Variants in GLIS3 observed in about 807,000 individuals in gnomAD.
GLIS3 encodes the protein zinc finger protein GLIS3.
GLIS3 carries 53 observed loss-of-function variants against 78.6 expected under a neutral mutation model. The observed-to-expected ratio is 0.67, with a 90% CI of 0.54 to 0.85. The LOEUF is 0.85. Ranked by LOEUF, GLIS3 falls within the 40% of genes least tolerant of loss-of-function variation. GLIS3 has a pLI of 0.00. For missense variants in GLIS3, 1,703 were observed against 1,231.1 expected (o/e 1.38, Z -5.74); for synonymous variants, 684 against 509.9 (o/e 1.34, Z -4.60).
intron 4 of GLIS3, among the ~76,000 whole-genome samples, chr9:4,028,278 A>C (rs1191731465): frequency 1.3e-5 from 2 of 152,302 alleles, no homozygotes; most frequent in East Asian, 3.9e-4. Flanking sequence ...ACTGCTGTGA[A>C]GATCAAATGA....
intron 4 of GLIS3, among the ~76,000 whole-genome samples, chr9:3,948,838 T>C (rs1816478491): frequency 6.6e-6 from 1 of 152,236 alleles, no homozygotes; most frequent in African/African-American, 2.4e-5. Flanking sequence ...TTTGTCATCT[T>C]ACAGAGCCAA....
At chr9:4,374,391 A>G in the GLIS3 span, among the ~76,000 whole-genome samples, 3 of 152,222 alleles carry the variant, frequency 2.0e-5, no homozygotes, top group Admixed American at 6.5e-5. Flanking sequence ...TGCTATCTTG[A>G]AACTTCCACC....
At position 3,932,487 on chromosome 9, in the gene GLIS3, G is replaced by C; in HGVS notation, c.1873-17C>G. The C allele has an allele frequency of 1.3e-6, 2 of 1,549,658 alleles. No homozygotes were observed. Among genetic ancestry groups the C allele is most frequent in the Non-Finnish European group, 1.8e-6 (2 of 1,121,222 alleles). ...ATAAGGTTTCTAAATGAGAAAGAAA[G>C]AAAGAAACAGCTGTGGTTAAATCAT... On this transcript the variant is annotated splice_polypyrimidine_tract_variant and intron_variant, in intron 5 of 10. Transcript: ENST00000381971.
the GLIS3 span, among the ~76,000 whole-genome samples, chr9:4,434,991 A>G: frequency 1.3e-5 from 2 of 152,208 alleles, no homozygotes; most frequent in Non-Finnish European, 2.9e-5. Flanking sequence ...CAGGTACCAA[A>G]TTGTATGATT....
intron 7 of GLIS3, among the ~76,000 whole-genome samples, chr9:3,890,733 A>G (rs946370207): frequency 2.7e-5 from 4 of 150,918 alleles, no homozygotes; most frequent in African/African-American, 9.9e-5. Flanking sequence ...CTGTCTCTAA[A>G]AAACAAAACA....
At chr9:4,123,060 T>C (rs1832305571) in intron 3 of GLIS3, among the ~76,000 whole-genome samples, 1 of 152,020 alleles carries the variant, frequency 6.6e-6, no homozygotes, top group Non-Finnish European at 1.5e-5. Context: ...AAAAAGAGCT[T>C]TTCCCCAAGA....
At chr9:4,387,898 G>T in the GLIS3 span, among the ~76,000 whole-genome samples, 2 of 152,182 alleles carry the variant, frequency 1.3e-5, no homozygotes, top group African/African-American at 4.8e-5. Context: ...TTTCATGAGG[G>T]ATACATTTCT....
At chr9:4,324,780 T>G (rs1817578569) in intron 2 of GLIS3, among the ~76,000 whole-genome samples, 1 of 152,218 alleles carries the variant, frequency 6.6e-6, no homozygotes, top group African/African-American at 2.4e-5. Flanking sequence ...TGTAAGTCAT[T>G]TCATTTGTTT....
At chr9:4,222,525 T>C (rs1035138806) in intron 2 of GLIS3, among the ~76,000 whole-genome samples, 10 of 152,176 alleles carry the variant, frequency 6.6e-5, no homozygotes, top group Non-Finnish European at 1.2e-4. Context: ...TAAACATAAA[T>C]AGACCCAGCC....
chr9:4,151,352 G>A (rs558495919), intron 2 of GLIS3, among the ~76,000 whole-genome samples: 8 of 152,278 alleles, frequency 5.3e-5, no homozygotes, highest in African/African-American at 1.9e-4. Flanking sequence ...CAAACTATAT[G>A]TTTTAGCAGA....
intron 9 of GLIS3, among the ~76,000 whole-genome samples, chr9:3,846,768 A>T (rs1310485837): frequency 6.6e-6 from 1 of 152,210 alleles, no homozygotes; most frequent in Non-Finnish European, 1.5e-5. Flanking sequence ...CTCTTTTATT[A>T]TGCAGATACT....
At chr9:4,401,571 CTTT>C in the GLIS3 span, among the ~76,000 whole-genome samples, 3 of 120,656 alleles carry the variant, frequency 2.5e-5, no homozygotes, top group Admixed American at 1.7e-4. Context: ...TCCTTTCTTT[CTTT>C]TTTTTTTTTT....
At chr9:4,416,252 T>TTTTTTA in the GLIS3 span, among the ~76,000 whole-genome samples, 3 of 75,804 alleles carry the variant, frequency 4.0e-5, no homozygotes, top group Admixed American at 1.8e-4. Context: ...ACACTGTTTT[T>TTTTTTA]AAAAAAAAAA....
chr9:3,952,544 C>T (rs1232007513), intron 4 of GLIS3, among the ~76,000 whole-genome samples: 2 of 152,180 alleles, frequency 1.3e-5, no homozygotes, highest in Non-Finnish European at 2.9e-5. Flanking sequence ...CTATTTTGCT[C>T]ATCTATTTCC....
chr9:4,029,309 T>A (rs1046095541), intron 4 of GLIS3, among the ~76,000 whole-genome samples: 3 of 151,828 alleles, frequency 2.0e-5, no homozygotes, highest in African/African-American at 7.3e-5. Context: ...GTGCTCCCCA[T>A]CATTTTTAAA....
the GLIS3 span, among the ~76,000 whole-genome samples, chr9:4,361,156 G>A: frequency 6.6e-6 from 1 of 152,268 alleles, no homozygotes; most frequent in East Asian, 1.9e-4. Flanking sequence ...GCTGCCAGCT[G>A]CCAGCTGTCC....
intron 7 of GLIS3, among the ~76,000 whole-genome samples, chr9:3,883,553 G>A (rs957342535): frequency 4.6e-5 from 7 of 152,160 alleles, no homozygotes; most frequent in Admixed American, 3.3e-4. Flanking sequence ...CAAACTCAAC[G>A]AATAGGGCAC....
At chr9:4,039,051 G>T (rs1029976215) in intron 4 of GLIS3, among the ~76,000 whole-genome samples, 1 of 152,094 alleles carries the variant, frequency 6.6e-6, no homozygotes, top group African/African-American at 2.4e-5. Flanking sequence ...TGAGGAGGGA[G>T]AATAAAAAAG....
At chr9:4,068,884 A>G (rs991974378) in intron 4 of GLIS3, among the ~76,000 whole-genome samples, 8 of 151,666 alleles carry the variant, frequency 5.3e-5, no homozygotes, top group African/African-American at 1.5e-4. Context: ...ATTTCTTGCA[A>G]TGCACACTTG....
Sources: gnomAD v4.1 joint callset for allele counts (sites outside exome capture counted in the v4.1 genomes callset) on GRCh38, gnomAD v4.1.1 for gene constraint, MANE v1.5 for transcripts, NCBI Gene and HGNC (gene_info 2026-07-23, HGNC 2026-07-21) for gene names.